The following KCNMA1 variants were observed in gnomAD, a reference collection of about 807,000 sequenced individuals.
The protein encoded by KCNMA1 is potassium calcium-activated channel subfamily M alpha 1.
In KCNMA1, 29 loss-of-function variants were observed where a neutral mutation model predicts 140.0. The ratio of observed to expected loss-of-function variants is 0.21; its 90% CI spans 0.15 to 0.28. The LOEUF (loss-of-function observed/expected upper bound fraction) is 0.28. Ranked by LOEUF, KCNMA1 falls within the 10% of genes least tolerant of loss-of-function variation. The pLI is 1.00. For synonymous variants in KCNMA1, 612 were observed against 611.9 expected (o/e 1.00, Z 0.00); for missense variants, 880 against 1,602.2 (o/e 0.55, Z 7.70).
Position 77,391,768 on chromosome 10 carries a change from G to A in KCNMA1, c.540+12094C>T, listed in dbSNP as rs1028350261. 5.9e-5 allele frequency among the ~76,000 whole-genome samples: 9 copies of A among 151,900 alleles called. No individual in the cohort carries two copies. The South Asian group carries it at 1.2e-3, about 21-fold the overall frequency. On this transcript the variant is annotated intron_variant, in intron 2 of 27. Coordinates refer to ENST00000286628, the MANE Select transcript of KCNMA1 (RefSeq NM_001161352.2). ...TCTGCCTCCTCCTAAACATAGCCTCGTAAACTAAACTTGGAAGCATCAGCT... is the reference window on the plus strand; with the variant it reads ...TCTGCCTCCTCCTAAACATAGCCTCATAAACTAAACTTGGAAGCATCAGCT...
At chr10:77,193,303 T>C (rs1016400193) in intron 3 of KCNMA1, among the ~76,000 whole-genome samples, 1 of 152,208 alleles carries the variant, frequency 6.6e-6, no homozygotes, top group Non-Finnish European at 1.5e-5. Flanking sequence ...GTAGAATTAG[T>C]GTTCATATTT....
In KCNMA1 at chr10:77,027,811, C is replaced by A; in HGVS notation, c.1928+12G>T. 6.2e-7 allele frequency: 1 copy of A among 1,613,246 alleles called. No homozygotes were observed. The highest frequency in any genetic ancestry group is 8.5e-7 in the Non-Finnish European group (1 of 1,179,298). The stretch of plus-strand genomic sequence containing the variant: ...AAAGTGTCAGCTGGCTGCTGGGTCA[C>A]CGCAAACTTACCGGCTCTCTCGGTT... On this transcript the variant is annotated intron_variant, in intron 16 of 27. Coordinates refer to ENST00000286628, the MANE Select transcript of KCNMA1 (RefSeq NM_001161352.2).
At chr10:77,329,320 T>C (rs1034701444) in intron 2 of KCNMA1, among the ~76,000 whole-genome samples, 1 of 152,168 alleles carries the variant, frequency 6.6e-6, no homozygotes, top group Non-Finnish European at 1.5e-5. Context: ...AATCCTGTCA[T>C]CCAATGTGAT....
chr10:77,509,628 C>T (rs1176483771), intron 1 of KCNMA1, among the ~76,000 whole-genome samples: 1 of 152,152 alleles, frequency 6.6e-6, no homozygotes, highest in Non-Finnish European at 1.5e-5. Flanking sequence ...ACAAGGGTTC[C>T]AATTTCTCCA....
At chr10:77,072,584 G>A (rs1451197080) in intron 14 of KCNMA1, among the ~76,000 whole-genome samples, 2 of 152,038 alleles carry the variant, frequency 1.3e-5, no homozygotes, top group Non-Finnish European at 2.9e-5. Context: ...ACATTGTTTC[G>A]CTCTCCATTC....
At chr10:77,063,713 G>C in intron 14 of KCNMA1, 7 of 984,094 alleles carry the variant, frequency 7.1e-6, no homozygotes, top group Non-Finnish European at 8.4e-6. Context: ...GGCTTACATA[G>C]GACTTTGCGA....
At chr10:76,989,192 G>C (rs1423387531) in intron 19 of KCNMA1, among the ~76,000 whole-genome samples, 1 of 152,098 alleles carries the variant, frequency 6.6e-6, no homozygotes, top group Admixed American at 6.6e-5. Flanking sequence ...TGCTTTCCTT[G>C]AGGAAAATAA....
chr10:77,079,577 A>G, intron 12 of KCNMA1, 27 bp from the exon 13 acceptor site: 1 of 1,492,472 alleles, frequency 6.7e-7, no homozygotes, highest in Non-Finnish European at 9.4e-7. Context: ...CAATGCTGAG[A>G]CAGGTCTGCC....
chr10:77,073,889 A>G (rs1293413949), intron 13 of KCNMA1, among the ~76,000 whole-genome samples: 1 of 152,160 alleles, frequency 6.6e-6, no homozygotes, highest in Admixed American at 6.5e-5. Flanking sequence ...GACGTTTCCA[A>G]TCTCTTGCAA....
Position 77,001,503 on chromosome 10 carries a change from T to C in KCNMA1, c.2170A>G (p.Met724Val), listed in dbSNP as rs1462474245. ...ACGTTACCACGCACACGGCCTGACA[T>C]GCATGAGCAGTCACGCTCAGAACGT... ...CGRSERDCSC[M>V]SGRVRGNVDT... Residue 724 changes from methionine to valine, a missense_variant, in exon 19 of 28, where the codon ATG becomes GTG. Coordinates refer to ENST00000286628, the MANE Select transcript of KCNMA1 (RefSeq NM_001161352.2). The C allele has an allele frequency of 1.5e-5, 23 of 1,551,968 alleles. No homozygotes were observed. Among genetic ancestry groups the C allele is most frequent in the Admixed American group, 2.0e-5 (1 of 51,012 alleles).
chr10:77,217,211 A>T (rs1656020352), intron 3 of KCNMA1, among the ~76,000 whole-genome samples: 1 of 151,862 alleles, frequency 6.6e-6, no homozygotes, highest in South Asian at 2.1e-4. Context: ...AGGCTGAGGC[A>T]GGAGAATCGC....
chr10:77,525,128 T>C (rs1233858349), intron 1 of KCNMA1, among the ~76,000 whole-genome samples: 1 of 152,210 alleles, frequency 6.6e-6, no homozygotes, highest in Non-Finnish European at 1.5e-5. Context: ...TGTATACACA[T>C]TAAAATAAGA....
chr10:77,179,101 C>T (rs749232230), intron 5 of KCNMA1, among the ~76,000 whole-genome samples: 1 of 152,144 alleles, frequency 6.6e-6, no homozygotes, highest in Non-Finnish European at 1.5e-5. Flanking sequence ...GTTCATTAAG[C>T]TCGTATGAAG....
At chr10:77,495,571 G>T (rs888893161) in intron 1 of KCNMA1, among the ~76,000 whole-genome samples, 8 of 152,212 alleles carry the variant, frequency 5.3e-5, no homozygotes, top group African/African-American at 1.9e-4. Flanking sequence ...TCTCATTCAT[G>T]AAAGGGAGAA....
chr10:77,006,298 A>G (rs1229006563), intron 18 of KCNMA1, among the ~76,000 whole-genome samples: 1 of 152,186 alleles, frequency 6.6e-6, no homozygotes, highest in Non-Finnish European at 1.5e-5. Flanking sequence ...GAAGAAAAAA[A>G]ACATCTGCCA....
At chr10:77,569,914 A>C (rs1411717251) in intron 1 of KCNMA1, among the ~76,000 whole-genome samples, 2 of 152,212 alleles carry the variant, frequency 1.3e-5, no homozygotes, top group Admixed American at 6.5e-5. Flanking sequence ...ACCCCATCAA[A>C]AAGTGGGCAA....
chr10:77,223,092 G>C (rs2050194683), intron 3 of KCNMA1, among the ~76,000 whole-genome samples: 2 of 152,138 alleles, frequency 1.3e-5, no homozygotes, highest in Admixed American at 6.5e-5. Flanking sequence ...AACCGGGCAT[G>C]GTGGCAGGCA....
At chr10:77,307,997 T>A (rs147250722) in intron 2 of KCNMA1, among the ~76,000 whole-genome samples, 125 of 152,346 alleles carry the variant, frequency 8.2e-4, no homozygotes, top group Non-Finnish European at 1.5e-3. Context: ...AATAATTGCA[T>A]GTTCATTAAC....
At chr10:77,613,936 T>C (rs1392017385) in intron 1 of KCNMA1, among the ~76,000 whole-genome samples, 1 of 152,198 alleles carries the variant, frequency 6.6e-6, no homozygotes, top group Non-Finnish European at 1.5e-5. Flanking sequence ...CAAAATACCC[T>C]TTCTTCTGAG....
Sources: gnomAD v4.1 joint callset for allele counts (sites outside exome capture counted in the v4.1 genomes callset) on GRCh38, gnomAD v4.1.1 for gene constraint, MANE v1.5 for transcripts, NCBI Gene and HGNC (gene_info 2026-07-23, HGNC 2026-07-21) for gene names.